MKRN2: variants seen among roughly 807,000 people sequenced by gnomAD.
The protein encoded by MKRN2 is E3 ubiquitin-protein ligase makorin-2.
Under a neutral mutation model 45.4 loss-of-function variants are expected in MKRN2, and 32 were observed. The observed-to-expected ratio is 0.70, with a 90% CI of 0.53 to 0.95. The LOEUF is 0.95. Among genes scored for constraint, MKRN2 ranks in the 40% least tolerant of loss-of-function variants. The pLI, the probability that MKRN2 is intolerant of heterozygous loss-of-function variation, is 0.00. For missense variants in MKRN2, 526 were observed against 536.7 expected (o/e 0.98, Z 0.20); for synonymous variants, 206 against 192.4 (o/e 1.07, Z -0.59).
chr3:12,581,961 T>C lies in MKRN2; in HGVS notation c.1113+9T>C. 6.2e-7 allele frequency: 1 copy of C among 1,613,188 alleles called. No individual in the cohort carries two copies. Among genetic ancestry groups the C allele is most frequent in the East Asian group, 2.2e-5 (1 of 44,856 alleles). ...CTCAAGGCACTGTGAGGGTAAGGAC[T>C]TTAGCCATCTCTAGTTGGGGACACT... is the stretch of plus-strand genomic sequence containing the variant. On this transcript the variant is annotated intron_variant, in intron 7 of 7. Coordinates refer to ENST00000170447, the MANE Select transcript of MKRN2 (RefSeq NM_014160.5).
rs1280207412 is a variant in MKRN2 at position 12,582,360 on chromosome 3, T to C, written c.*107T>C. 6.9e-7 allele frequency: 1 copy of C among 1,442,674 alleles called. No homozygotes were observed. The highest frequency in any genetic ancestry group is 2.3e-5 in the East Asian group (1 of 43,660). 89.4% of individuals were successfully genotyped at this position (1,442,674 alleles called of 1,614,324 possible). A position where few individuals can be genotyped will look rare whatever the true frequency, so the allele number is the denominator to read the frequency against. ...CAGCCAAGGTGACGTGTGACTTGGA[T>C]TTGAGTGGAGTTGGGCTTAGCCTTA... is the stretch of plus-strand genomic sequence containing the variant. On this transcript the variant is annotated 3_prime_UTR_variant, in exon 8 of 8. Transcript: ENST00000170447.
chr3:12,562,818 CT>C (rs1181822966), intron 1 of MKRN2, among the ~76,000 whole-genome samples: 3 of 151,918 alleles, frequency 2.0e-5, no homozygotes, highest in Non-Finnish European at 4.4e-5. Flanking sequence ...TGAACTGTCA[CT>C]GTCTCCCATG....
At position 12,571,992 on chromosome 3, in the gene MKRN2, ATGT is replaced by A; in HGVS notation, c.338-75_338-73del. The A allele has an allele frequency of 2.8e-6, 4 of 1,409,106 alleles. No individual in the cohort carries two copies. The South Asian group carries it at 5.8e-5, about 21-fold the overall frequency. 87.3% of individuals were successfully genotyped at this position (1,409,106 alleles called of 1,614,324 possible). ...AATTCTTAGGTCAGAGTAGCTTAAT[ATGT>A]TAGGCTTTGGCTAACGGCATACCAG... is the stretch of plus-strand genomic sequence containing the variant. On this transcript the variant is annotated intron_variant, in intron 3 of 7. Transcript: ENST00000170447.
At chr3:12,569,683 C>G (rs1041937670) in intron 2 of MKRN2, among the ~76,000 whole-genome samples, 2 of 152,174 alleles carry the variant, frequency 1.3e-5, no homozygotes, top group Middle Eastern at 6.8e-3. Context: ...CCAAGAGAGA[C>G]AGTCAGGGAG....
chr3:12,581,863 A>T lies in MKRN2; in HGVS notation c.1024A>T (p.Lys342Ter). The stretch of plus-strand genomic sequence containing the variant: ...CAAGGGGACCTGCCCATTTGGAAGC[A>T]AATGTCTTTATCGCCATGCTTACCC... Reference protein sequence around the residue: ...QGKGTCPFGSKCLYRHAYPDG... With the variant: ...QGKGTCPFGS The change falls in exon 7 of 8, where the codon AAA (lysine) becomes TAA (stop). Residue 342 changes from lysine (K) to a stop codon, truncating the protein, a stop_gained. Coordinates refer to ENST00000170447, the MANE Select transcript of MKRN2 (RefSeq NM_014160.5). LOFTEE classifies it high-confidence loss of function. 6.2e-7 allele frequency: 1 copy of T among 1,614,200 alleles called. No individual in the cohort carries two copies. Among genetic ancestry groups the T allele is most frequent in the Non-Finnish European group, 8.5e-7 (1 of 1,180,042 alleles).
At position 12,572,280 on chromosome 3, in the gene MKRN2, T is replaced by C. The variant is rs776110406; in HGVS notation, c.549T>C (p.Asp183=). 2 of 1,614,012 alleles carry C rather than the reference T, an allele frequency of 1.2e-6. No homozygotes were observed. The highest frequency in any genetic ancestry group is 1.1e-5 in the South Asian group (1 of 91,080). The change falls in exon 4 of 8, where the codon GAT becomes GAC. Residue 183 remains aspartate (D), a synonymous_variant. Transcript: ENST00000170447. The stretch of plus-strand genomic sequence containing the variant: ...CTGCTGGGGAGTGCCGGTTTGGGGA[T>C]GCCTGTGTCTACCTGCACGGGGAGG... The part of the protein sequence containing the change: ...YAAAGECRFG[D]ACVYLHGEVC...
intron 3 of MKRN2, 91 bp downstream of exon 3, chr3:12,570,343 A>G: frequency 7.6e-7 from 1 of 1,315,284 alleles, no homozygotes; most frequent in Non-Finnish European, 1.0e-6. Flanking sequence ...TGTCAAGAGG[A>G]CTCCTAACCT....
intron 6 of MKRN2, among the ~76,000 whole-genome samples, chr3:12,577,497 A>G (rs1459700922): frequency 6.6e-6 from 1 of 151,966 alleles, no homozygotes; most frequent in Non-Finnish European, 1.5e-5. Flanking sequence ...CCTTGAACAT[A>G]GTTGTAGCAG....
At chr3:12,580,612 C>G (rs2058171221) in intron 6 of MKRN2, among the ~76,000 whole-genome samples, 1 of 152,198 alleles carries the variant, frequency 6.6e-6, no homozygotes, top group African/African-American at 2.4e-5. Flanking sequence ...GTGCCAGCCA[C>G]CACACCCAGC....
intron 1 of MKRN2, 43 bp downstream of exon 1, chr3:12,557,219 CCGCAGGG>C (rs2057983090): frequency 2.0e-6 from 3 of 1,526,420 alleles, no homozygotes; most frequent in Admixed American, 4.0e-5. Flanking sequence ...CTCCCCCAGG[CCGCAGGG>C]GGGCCGGTGC....
At chr3:12,565,616 A>C (rs935506298) in intron 1 of MKRN2, among the ~76,000 whole-genome samples, 4 of 140,302 alleles carry the variant, frequency 2.9e-5, no homozygotes, top group Admixed American at 7.8e-5. Context: ...GCTTATTGCA[A>C]CCACTGCCTC....
intron 5 of MKRN2, among the ~76,000 whole-genome samples, chr3:12,576,187 ATATGTGTGTGTGTGTG>A (rs1331707915): frequency 7.8e-6 from 1 of 128,748 alleles, no homozygotes; most frequent in African/African-American, 3.6e-5. Context: ...AGGAAACCAT[ATATGTGTGTGTGTGTG>A]TGTGTGTGTG....
At chr3:12,571,867 T>C (rs2058101591) in intron 3 of MKRN2, among the ~76,000 whole-genome samples, 1 of 152,216 alleles carries the variant, frequency 6.6e-6, no homozygotes, top group African/African-American at 2.4e-5. Context: ...TTTTTTGTTT[T>C]TTTAAGTAAT....
At chr3:12,578,858 A>ATTTTTTTTTTTTTTTTT (rs374121518) in intron 6 of MKRN2, among the ~76,000 whole-genome samples, 3 of 125,228 alleles carry the variant, frequency 2.4e-5, no homozygotes, top group Admixed American at 8.8e-5. Flanking sequence ...CTAAAGCTTG[A>ATTTTTTTTTTTTTTTTT]TTTTTTTTTT....
At position 12,570,132 on chromosome 3, in the gene MKRN2, G is replaced by A; in HGVS notation, c.217G>A (p.Val73Met). The change falls in exon 3 of 8, where the codon GTG (valine) becomes ATG (methionine). Residue 73 changes from valine (V) to methionine (M), a missense_variant. Physicochemically the swap from Val to Met is conservative, Grantham distance 21 (BLOSUM62 1). Coordinates refer to ENST00000170447, the MANE Select transcript of MKRN2 (RefSeq NM_014160.5). ...TGCTGTGGGCACCATGGCCCACAGT[G>A]TGCCCTCCCCAGCTTTCCACAGTCC... Reference protein sequence around the residue: ...GGAVGTMAHSVPSPAFHSPHP... With the variant: ...GGAVGTMAHSMPSPAFHSPHP... The A allele has an allele frequency of 1.2e-6, 2 of 1,614,004 alleles. No homozygotes were observed. Among genetic ancestry groups the A allele is most frequent in the Non-Finnish European group, 1.7e-6 (2 of 1,180,014 alleles).
chr3:12,557,990 C>G (rs1000143842), intron 1 of MKRN2, among the ~76,000 whole-genome samples: 1 of 152,192 alleles, frequency 6.6e-6, no homozygotes, highest in Admixed American at 6.5e-5. Context: ...TTGTGGCTTA[C>G]TGGTAATGGA....
chr3:12,559,251 A>G (rs2058014483), intron 1 of MKRN2, among the ~76,000 whole-genome samples: 1 of 152,192 alleles, frequency 6.6e-6, no homozygotes, highest in Non-Finnish European at 1.5e-5. Context: ...CCAAGTTTAC[A>G]TTAGTGTGTT....
In MKRN2 at chr3:12,582,551, A is replaced by G; in HGVS notation, c.*298A>G. ...CAAACTGTTTGGATTGATTGCTTTA[A>G]AAAACAAACCTGGCTCTTACCTTTG... is the stretch of plus-strand genomic sequence containing the variant. On this transcript the variant is annotated 3_prime_UTR_variant, in exon 8 of 8. Transcript: ENST00000170447. 1 of 288,336 alleles carries G rather than the reference A, an allele frequency of 3.5e-6. No individual in the cohort carries two copies. The highest frequency in any genetic ancestry group is 7.8e-5 in the South Asian group (1 of 12,756). The allele number at this position is 288,336 out of a possible 1,614,324, so 17.9% of individuals were successfully genotyped here.
intron 1 of MKRN2, among the ~76,000 whole-genome samples, chr3:12,564,623 G>C (rs1485640181): frequency 2.0e-5 from 3 of 152,056 alleles, no homozygotes; most frequent in African/African-American, 7.2e-5. Flanking sequence ...TTTTTCTGAG[G>C]TATAACTTAT....
Sources: allele counts gnomAD v4.1 joint callset (sites outside exome capture counted in the v4.1 genomes callset), GRCh38; gene constraint gnomAD v4.1.1; transcripts MANE v1.5; gene names NCBI Gene and HGNC (gene_info 2026-07-23, HGNC 2026-07-21).